Variants in PRKN observed in about 807,000 individuals in gnomAD.
The protein encoded by PRKN is E3 ubiquitin-protein ligase parkin.
Under a neutral mutation model 59.5 loss-of-function variants are expected in PRKN, and 56 were observed. The ratio of observed to expected loss-of-function variants is 0.94; its 90% CI spans 0.76 to 1.18. The LOEUF (loss-of-function observed/expected upper bound fraction) is 1.18, where lower values mean the gene tolerates loss of function less well. Ranked by LOEUF, PRKN falls within the 50% of genes most tolerant of loss-of-function variation. The pLI is 0.00. For synonymous variants in PRKN, 250 were observed against 222.1 expected (o/e 1.13, Z -1.12); for missense variants, 657 against 596.4 (o/e 1.10, Z -1.06).
At chr6:162,506,251 C>CAAAAA (rs10528135) in intron 1 of PRKN, among the ~76,000 whole-genome samples, 16 of 95,320 alleles carry the variant, frequency 1.7e-4, no homozygotes, top group African/African-American at 2.9e-4. Context: ...AAAGAGGAAG[C>CAAAAA]AAAAAAAAAA....
At chr6:162,532,039 C>T (rs1023171225) in intron 1 of PRKN, among the ~76,000 whole-genome samples, 4 of 152,074 alleles carry the variant, frequency 2.6e-5, no homozygotes, top group African/African-American at 4.8e-5. Flanking sequence ...CCTAAGGCAA[C>T]GACAGGTTCT....
chr6:161,852,686 G>A (rs1583248233), intron 6 of PRKN, among the ~76,000 whole-genome samples: 2 of 152,256 alleles, frequency 1.3e-5, no homozygotes. Context: ...CTTTTTTGAA[G>A]AAACATTAAA....
At chr6:162,385,856 GT>G (rs1554311549) in intron 2 of PRKN, among the ~76,000 whole-genome samples, 1 of 151,688 alleles carries the variant, frequency 6.6e-6, no homozygotes, top group Non-Finnish European at 1.5e-5. Flanking sequence ...ATTCAGTTCG[GT>G]TTTTTCCCTA....
intron 6 of PRKN, among the ~76,000 whole-genome samples, chr6:161,939,753 A>G (rs1779489720): frequency 6.6e-6 from 1 of 152,066 alleles, no homozygotes. Flanking sequence ...AAAAGAAAAA[A>G]AGGCAGATGT....
At chr6:161,653,236 T>C (rs935889922) in intron 7 of PRKN, among the ~76,000 whole-genome samples, 2 of 151,984 alleles carry the variant, frequency 1.3e-5, no homozygotes, top group Admixed American at 1.3e-4. Context: ...TGGTGGCGCA[T>C]GCCTGTAGTC....
rs557302429 is a variant in PRKN, at chr6:161,890,258, G to A, written c.734+83044C>T. 3.9e-4 allele frequency among the ~76,000 whole-genome samples: 59 copies of A among 152,248 alleles called. 1 individual carries two copies. The South Asian group carries it at 0.012, about 30-fold the overall frequency. On this transcript the variant is annotated intron_variant, in intron 6 of 11. Coordinates refer to ENST00000366898, the MANE Select transcript of PRKN (RefSeq NM_004562.3). Reference sequence around the variant, plus strand: ...TTCAAAATCAGATTTATTTCTGAAAGAGTCCCTGTTCTCTTTGCCAACCTC... The same window carrying A: ...TTCAAAATCAGATTTATTTCTGAAAAAGTCCCTGTTCTCTTTGCCAACCTC...
At chr6:161,889,866 A>T (rs1554241965) in intron 6 of PRKN, among the ~76,000 whole-genome samples, 2 of 152,180 alleles carry the variant, frequency 1.3e-5, no homozygotes, top group Non-Finnish European at 2.9e-5. Context: ...ATTATCTGTA[A>T]TTTTTTTAAT....
intron 6 of PRKN, among the ~76,000 whole-genome samples, chr6:161,889,790 G>A (rs1454322843): frequency 6.6e-6 from 1 of 152,218 alleles, no homozygotes; most frequent in Admixed American, 6.5e-5. Context: ...TCCCTCTTGA[G>A]AGTTTTGTTA....
In PRKN at chr6:161,973,286, A is replaced by G; in HGVS notation, c.734+16T>C. On this transcript the variant is annotated intron_variant, in intron 6 of 11. Coordinates refer to ENST00000366898, the MANE Select transcript of PRKN (RefSeq NM_004562.3). ...CACGTCCGTGGAGGGAAGTGACACT[A>G]TTTTTAGATCCTTACCTGACGTCTG... 8 of 1,545,162 alleles carry G rather than the reference A, an allele frequency of 5.2e-6. No individual in the cohort carries two copies. Among genetic ancestry groups the G allele is most frequent in the South Asian group, 3.3e-5 (3 of 89,656 alleles).
At chr6:162,261,828 A>G (rs76952638) in intron 3 of PRKN, among the ~76,000 whole-genome samples, 9,143 of 152,114 alleles carry the variant, frequency 0.06, 378 homozygotes, top group Middle Eastern at 0.14. Flanking sequence ...AGTTCCTTAA[A>G]TTTTATTTAG....
At position 161,405,056 on chromosome 6, in the gene PRKN, C is replaced by G. The variant is rs1787200456; in HGVS notation, c.1084-18179G>C. Among the ~76,000 whole-genome samples the G allele has an allele frequency of 6.6e-6, 1 of 152,160 alleles. No individual in the cohort carries two copies. On this transcript the variant is annotated intron_variant, in intron 9 of 11. Transcript: ENST00000366898. The surrounding 1 kb of genome is among the most constrained non-coding windows in gnomAD (Gnocchi z 5.1). ...GGCAGGAAGATAGACTAAATGATAA[C>G]ATTGCTTCCCACCTTCTCCTCCAGC...
At chr6:162,227,731 C>A (rs969582715) in intron 3 of PRKN, among the ~76,000 whole-genome samples, 1 of 152,092 alleles carries the variant, frequency 6.6e-6, no homozygotes, top group East Asian at 1.9e-4. Flanking sequence ...CATTCTTATG[C>A]CCTATGTGAC....
chr6:161,561,312 G>A lies in PRKN; in HGVS notation c.933+8043C>T, dbSNP rs1052377252. 2.0e-5 allele frequency among the ~76,000 whole-genome samples: 3 copies of A among 152,128 alleles called. No individual in the cohort carries two copies. Among genetic ancestry groups the A allele is most frequent in the African/African-American group, 7.2e-5 (3 of 41,412 alleles). On this transcript the variant is annotated intron_variant, in intron 8 of 11. Transcript: ENST00000366898. The surrounding 1 kb of genome is among the most constrained non-coding windows in gnomAD (Gnocchi z 5.0). ...AATGAATTTATTACTTTTATCTGGA[G>A]TTGCACCAATTTTTTGGTTCCTAAG...
rs1182112363 is a variant in PRKN at position 161,727,297 on chromosome 6, T to C, written c.871+58475A>G. ...GTTCCCGCTGTTATCCTGAGGACTG[T>C]TTCTCTGCAGAGGGACAGAAGAGGG... On this transcript the variant is annotated intron_variant, in intron 7 of 11. Coordinates refer to ENST00000366898, the MANE Select transcript of PRKN (RefSeq NM_004562.3). 2.6e-5 allele frequency among the ~76,000 whole-genome samples: 4 copies of C among 152,248 alleles called. No individual in the cohort carries two copies. The South Asian group carries it at 6.2e-4, about 24-fold the overall frequency.
chr6:161,402,323 T>A lies in PRKN; in HGVS notation c.1084-15446A>T, dbSNP rs951680032. ...CTCTTCCCCTGCCTAAGTTTTCTTT[T>A]TCTCTCTCAATTTTATTGCTTTGCT... On this transcript the variant is annotated intron_variant, in intron 9 of 11. Coordinates refer to ENST00000366898, the MANE Select transcript of PRKN (RefSeq NM_004562.3). The surrounding 1 kb of genome is among the most constrained non-coding windows in gnomAD (Gnocchi z 4.5). Among the ~76,000 whole-genome samples the A allele has an allele frequency of 2.6e-5, 4 of 152,182 alleles. No individual in the cohort carries two copies. Among genetic ancestry groups the A allele is most frequent in the Non-Finnish European group, 5.9e-5 (4 of 68,038 alleles).
In PRKN at chr6:162,227,839, A is replaced by C. The variant is rs185989822; in HGVS notation, c.413-26587T>G. The stretch of plus-strand genomic sequence containing the variant: ...CAGAAAACGTGCATGCCTTCTGGAC[A>C]GAAAACACTAAGGTTGTGTTCCTCT... On this transcript the variant is annotated intron_variant, in intron 3 of 11. Transcript: ENST00000366898. Among the ~76,000 whole-genome samples the C allele has an allele frequency of 2.0e-5, 3 of 152,298 alleles. No individual in the cohort carries two copies. The East Asian group carries it at 5.8e-4, about 29-fold the overall frequency.
rs556774234 is a variant in PRKN at position 161,661,371 on chromosome 6, CTG to C, written c.872-91957_872-91956del. Among the ~76,000 whole-genome samples the C allele has an allele frequency of 5.5e-3, 830 of 152,264 alleles. 5 individuals are homozygous for C. The highest frequency in any genetic ancestry group is 0.02 in the Middle Eastern group (6 of 294). ...AACCACACAGGAGCCATCTCAGGGCCTGTGTGTCTGCAGCTCCATCTGCCTGG... is the reference window on the plus strand; with the variant it reads ...AACCACACAGGAGCCATCTCAGGGCCTGTGTCTGCAGCTCCATCTGCCTGG... On this transcript the variant is annotated intron_variant, in intron 7 of 11. Transcript: ENST00000366898.
In PRKN at chr6:161,470,130, G is replaced by C. The variant is rs1039593721; in HGVS notation, c.1083+78724C>G. Among the ~76,000 whole-genome samples the C allele has an allele frequency of 6.6e-6, 1 of 152,202 alleles. No homozygotes were observed. The highest frequency in any genetic ancestry group is 1.5e-5 in the Non-Finnish European group (1 of 68,040). On this transcript the variant is annotated intron_variant, in intron 9 of 11. Transcript: ENST00000366898. This position sits in a 1 kb window ranked among gnomAD's most constrained non-coding sequence, Gnocchi z 5.1. ...AAGTTAATTTGCTCAAAATTGCATAGCTAGGAAGTGAACTCTGGCTAGGGT... is the reference window on the plus strand; with the variant it reads ...AAGTTAATTTGCTCAAAATTGCATACCTAGGAAGTGAACTCTGGCTAGGGT...
intron 2 of PRKN, among the ~76,000 whole-genome samples, chr6:162,300,890 A>G (rs1781913344): frequency 6.6e-6 from 1 of 152,152 alleles, no homozygotes; most frequent in African/African-American, 2.4e-5. Context: ...GCATGTCAGG[A>G]CACAGATGAC....
Sources: gnomAD v4.1 joint callset for allele counts (sites outside exome capture counted in the v4.1 genomes callset) on GRCh38, gnomAD v4.1.1 for gene constraint, Gnocchi (gnomAD v3.1) non-coding constraint, MANE v1.5 for transcripts, NCBI Gene and HGNC (gene_info 2026-07-23, HGNC 2026-07-21) for gene names.